MED15: variants seen among roughly 807,000 people sequenced by gnomAD.
The protein encoded by MED15 is mediator complex subunit 15, also known as mediator of RNA polymerase II transcription subunit 15.
In MED15, 41 loss-of-function variants were observed where a neutral mutation model predicts 118.7. That is an observed-to-expected ratio of 0.35 (90% CI 0.27 to 0.45). The LOEUF (loss-of-function observed/expected upper bound fraction) is 0.45, where lower values mean the gene tolerates loss of function less well. Among genes scored for constraint, MED15 ranks in the 20% least tolerant of loss-of-function variants. The probability of loss-of-function intolerance (pLI) is 1.00; values close to 1 mark genes in which losing one functional copy is unlikely to be tolerated. For missense variants in MED15, 740 were observed against 1,025.5 expected, an observed-to-expected ratio of 0.72 and a Z score of 3.80; for synonymous variants, 436 against 413.9, an observed-to-expected ratio of 1.05 and a Z score of -0.65.
intron 1 of MED15, among the ~76,000 whole-genome samples, chr22:20,533,971 G>A (rs761745762): frequency 9.2e-5 from 14 of 152,134 alleles, no homozygotes; most frequent in Non-Finnish European, 2.1e-4. Context: ...TCTGTCTGGG[G>A]CCTGCCAGTC....
intron 1 of MED15, among the ~76,000 whole-genome samples, chr22:20,533,366 G>T (rs150193997): frequency 6.6e-6 from 1 of 152,204 alleles, no homozygotes; most frequent in Non-Finnish European, 1.5e-5. Context: ...GTTCTTTTTC[G>T]CTTTGTCTCT....
At chr22:20,542,660 G>A (rs570039851) in intron 2 of MED15, among the ~76,000 whole-genome samples, 26 of 152,294 alleles carry the variant, frequency 1.7e-4, no homozygotes, top group South Asian at 1.7e-3. Context: ...TTGAGGCTGC[G>A]TAGTTTTATC....
At chr22:20,578,488 C>T (rs954283340) in intron 9 of MED15, among the ~76,000 whole-genome samples, 12 of 152,204 alleles carry the variant, frequency 7.9e-5, no homozygotes, top group African/African-American at 2.9e-4. Context: ...GCCTTGGGGA[C>T]GTGAGGCATG....
chr22:20,532,513 C>CT (rs1211285664), intron 1 of MED15, among the ~76,000 whole-genome samples: 4 of 152,200 alleles, frequency 2.6e-5, no homozygotes, highest in African/African-American at 9.7e-5. Context: ...TGAACCCTGA[C>CT]TGAGTACACA....
intron 1 of MED15, among the ~76,000 whole-genome samples, chr22:20,534,831 G>A (rs1476712017): frequency 6.6e-6 from 1 of 152,180 alleles, no homozygotes; most frequent in Admixed American, 6.5e-5. Context: ...CTCCTGGATT[G>A]TTAACTCTCT....
intron 1 of MED15, among the ~76,000 whole-genome samples, chr22:20,519,949 T>C (rs539002398): frequency 6.6e-6 from 1 of 152,194 alleles, no homozygotes; most frequent in African/African-American, 2.4e-5. Flanking sequence ...AATTTTTTTT[T>C]AACTAGCCCT....
At position 20,585,206 on chromosome 22, in the gene MED15, G is replaced by A. The variant is rs766497054; in HGVS notation, c.2070G>A (p.Leu690=). 4.3e-6 allele frequency: 7 copies of A among 1,613,728 alleles called. No individual in the cohort carries two copies. Among genetic ancestry groups the A allele is most frequent in the Admixed American group, 1.7e-5 (1 of 60,014 alleles). The part of the protein sequence containing the change: ...GEVARLDPKF[L]VNLDPSHCSN... Reference sequence around the variant, plus strand: ...TGGCCAGGCTGGACCCCAAGTTCCTGGTAAACCTGGACCCTTCTCACTGCA... The same window carrying A: ...TGGCCAGGCTGGACCCCAAGTTCCTAGTAAACCTGGACCCTTCTCACTGCA... The change falls in exon 16 of 18, where the codon CTG becomes CTA. Residue 690 remains leucine (L), a synonymous_variant. Coordinates refer to ENST00000263205, the MANE Select transcript of MED15 (RefSeq NM_001003891.3).
chr22:20,523,436 TGA>T (rs1491514050), intron 1 of MED15, among the ~76,000 whole-genome samples: 1 of 152,158 alleles, frequency 6.6e-6, no homozygotes, highest in Non-Finnish European at 1.5e-5. Context: ...CCAACTACTT[TGA>T]GAGTTAGCAA....
In MED15 at chr22:20,516,996, A is replaced by G. The variant is rs562167339; in HGVS notation, c.68+9250A>G. Among the ~76,000 whole-genome samples the G allele has an allele frequency of 1.5e-4, 23 of 152,048 alleles. No individual in the cohort carries two copies. In the South Asian group the frequency reaches 4.6e-3, roughly 30 times the overall value. ...TGCCCAGGCTGGAGTGCAGCAGTAC[A>G]ATCATAGCTCACTGCAGCCAACTCC... On this transcript the variant is annotated intron_variant, in intron 1 of 17. Coordinates refer to ENST00000263205, the MANE Select transcript of MED15 (RefSeq NM_001003891.3).
intron 1 of MED15, among the ~76,000 whole-genome samples, chr22:20,530,459 C>T (rs1436825022): frequency 6.6e-6 from 1 of 152,124 alleles, no homozygotes; most frequent in Non-Finnish European, 1.5e-5. Context: ...CAGGGAGGAA[C>T]GCACCTTCCT....
chr22:20,571,896 CT>C (rs2056672878), intron 8 of MED15, among the ~76,000 whole-genome samples: 1 of 152,210 alleles, frequency 6.6e-6, no homozygotes, highest in Non-Finnish European at 1.5e-5. Context: ...GGTGTCCTTT[CT>C]GGTTGTTTCC....
At chr22:20,515,881 T>C (rs952127687) in intron 1 of MED15, among the ~76,000 whole-genome samples, 1 of 151,982 alleles carries the variant, frequency 6.6e-6, no homozygotes, top group African/African-American at 2.4e-5. Context: ...TGCACACCTG[T>C]AGTCCCAGCT....
At chr22:20,584,297 A>G (rs2057070866) in intron 13 of MED15, 62 bp from the exon 14 acceptor site, 1 of 1,547,938 alleles carries the variant, frequency 6.5e-7, no homozygotes, top group Non-Finnish European at 8.9e-7. Context: ...AGTAGTTGGG[A>G]TCCTGAGCCT....
chr22:20,526,804 G>A (rs1175481293), intron 1 of MED15, among the ~76,000 whole-genome samples: 2 of 152,166 alleles, frequency 1.3e-5, no homozygotes, highest in African/African-American at 4.8e-5. Context: ...GGCCGCAGGT[G>A]TGGTGTGACA....
At position 20,508,415 on chromosome 22, in the gene MED15, C is replaced by G. The variant is rs751741765; in HGVS notation, c.68+669C>G. The G allele has an allele frequency of 1.5e-5, 19 of 1,303,556 alleles. No homozygotes were observed. In the African/African-American group the frequency reaches 2.1e-4, roughly 15 times the overall value. The allele number at this position is 1,303,556 out of a possible 1,614,324, so 80.7% of individuals were successfully genotyped here. A position where few individuals can be genotyped will look rare whatever the true frequency, so the allele number is the denominator to read the frequency against. ...GTTAGCAGTTTTTTTCATGCGCGTC[C>G]GTGTGAAGAGACCACCAAACAGGCT... On this transcript the variant is annotated intron_variant, in intron 1 of 17. Coordinates refer to ENST00000263205, the MANE Select transcript of MED15 (RefSeq NM_001003891.3).
At chr22:20,526,872 T>C (rs2054664335) in intron 1 of MED15, among the ~76,000 whole-genome samples, 2 of 152,200 alleles carry the variant, frequency 1.3e-5, no homozygotes, top group Non-Finnish European at 2.9e-5. Context: ...GTTGGGTCCC[T>C]TGTTTTCTAT....
chr22:20,525,702 A>G (rs1429753567), intron 1 of MED15, among the ~76,000 whole-genome samples: 1 of 151,096 alleles, frequency 6.6e-6, no homozygotes, highest in Non-Finnish European at 1.5e-5. Context: ...ACGCCTGGCT[A>G]ATTTTGTATT....
intron 2 of MED15, among the ~76,000 whole-genome samples, chr22:20,539,920 T>A (rs2055227683): frequency 6.6e-6 from 1 of 152,226 alleles, no homozygotes; most frequent in African/African-American, 2.4e-5. Flanking sequence ...AATTGGGTTG[T>A]TAGTCTTTTT....
chr22:20,568,881 C>A (rs1239000701), intron 8 of MED15, among the ~76,000 whole-genome samples: 2 of 152,202 alleles, frequency 1.3e-5, no homozygotes, highest in Non-Finnish European at 1.5e-5. Context: ...GGGCATCCTT[C>A]ATTATCCCTC....
Sources: gnomAD v4.1 joint callset for allele counts (sites outside exome capture counted in the v4.1 genomes callset) on GRCh38, gnomAD v4.1.1 for gene constraint, MANE v1.5 for transcripts, NCBI Gene and HGNC (gene_info 2026-07-23, HGNC 2026-07-21) for gene names.